SETD5: variants seen among roughly 807,000 people sequenced by gnomAD.
SETD5 encodes SET domain containing 5, also known as histone-lysine N-methyltransferase SETD5.
A neutral mutation model predicts 153.3 loss-of-function variants in SETD5; 44 were observed. That is an observed-to-expected ratio of 0.29 (90% CI 0.23 to 0.37). The LOEUF (loss-of-function observed/expected upper bound fraction) is 0.37, where lower values mean the gene tolerates loss of function less well. Among genes scored for constraint, SETD5 ranks in the 10% least tolerant of loss-of-function variants. SETD5 has a pLI of 1.00. For synonymous variants in SETD5, 716 were observed against 645.2 expected (o/e 1.11, Z -1.66); for missense variants, 1,544 against 1,768.0 (o/e 0.87, Z 2.27).
intron 21 of SETD5, 102 bp from the exon 22 acceptor site, chr3:9,474,966 G>A: frequency 9.7e-7 from 1 of 1,026,544 alleles, no homozygotes; most frequent in Non-Finnish European, 1.4e-6. Flanking sequence ...AAAGAGAGCA[G>A]TACGGGTTGG....
At chr3:9,405,139 A>G (rs549647334) in intron 1 of SETD5, among the ~76,000 whole-genome samples, 2 of 152,316 alleles carry the variant, frequency 1.3e-5, no homozygotes, top group South Asian at 4.1e-4. Flanking sequence ...TGTATCTTCT[A>G]CTTTCTTTCT....
intron 17 of SETD5, among the ~76,000 whole-genome samples, chr3:9,462,528 A>C (rs1047675998): frequency 1.3e-5 from 2 of 150,730 alleles, no homozygotes; most frequent in Non-Finnish European, 2.9e-5. Flanking sequence ...CGGACCTTGC[A>C]GTGAGCCGAG....
rs186593762 is a variant in SETD5, at chr3:9,455,894, C to G, written c.2476+2026C>G. Among the ~76,000 whole-genome samples the G allele has an allele frequency of 2.6e-5, 4 of 152,168 alleles. No homozygotes were observed. In the East Asian group the frequency reaches 7.7e-4, roughly 29 times the overall value. ...TTTTTTGTTATTGTTGAGCTTCTGC[C>G]CTAGTCTAACAGTGAGAAACACTCA... is the stretch of plus-strand genomic sequence containing the variant. On this transcript the variant is annotated intron_variant, in intron 17 of 22. Coordinates refer to ENST00000402198, the MANE Select transcript of SETD5 (RefSeq NM_001080517.3).
chr3:9,445,029 G>C lies in SETD5; in HGVS notation c.1188-19G>C. On this transcript the variant is annotated intron_variant, in intron 11 of 22. Transcript: ENST00000402198. ...TCAAGGGTACTGAGACAGGCATTTTGGTTGTTTCTTTGGAGCAGTAATTAT... is the reference window on the plus strand; with the variant it reads ...TCAAGGGTACTGAGACAGGCATTTTCGTTGTTTCTTTGGAGCAGTAATTAT... 1 of 1,608,464 alleles carries C rather than the reference G, an allele frequency of 6.2e-7. No individual in the cohort carries two copies. Among genetic ancestry groups the C allele is most frequent in the Non-Finnish European group, 8.5e-7 (1 of 1,176,794 alleles).
intron 1 of SETD5, among the ~76,000 whole-genome samples, chr3:9,403,103 C>T (rs1197721078): frequency 6.6e-6 from 1 of 152,122 alleles, no homozygotes; most frequent in Non-Finnish European, 1.5e-5. Context: ...GGAGGAGGTT[C>T]TTTTCCCTGG....
chr3:9,435,877 C>T lies in SETD5; in HGVS notation c.538C>T (p.Arg180Cys), dbSNP rs753185558. The T allele has an allele frequency of 1.3e-6, 2 of 1,592,584 alleles. No individual in the cohort carries two copies. The highest frequency in any genetic ancestry group is 8.6e-7 in the Non-Finnish European group (1 of 1,169,582). The change falls in exon 7 of 23, where the codon CGT becomes TGT. Residue 180 changes from arginine to cysteine, a missense_variant. Coordinates refer to ENST00000402198, the MANE Select transcript of SETD5 (RefSeq NM_001080517.3). ...GCGGAAAAAGAGTCCAGAAAAGGGT[C>T]GTGCAGCACCAAAGACGAAGAAAAT... ...KKRKKSPEKG[R>C]AAPKTKKIKN...
intron 18 of SETD5, among the ~76,000 whole-genome samples, chr3:9,466,287 CAA>C (rs146498301): frequency 0.078 from 4,952 of 63,248 alleles, 177 homozygotes; most frequent in African/African-American, 0.23. Context: ...GACTCCGTCT[CAA>C]AAAAAAAAAA....
intron 17 of SETD5, among the ~76,000 whole-genome samples, chr3:9,457,030 G>T (rs2043340954): frequency 6.6e-6 from 1 of 151,774 alleles, no homozygotes; most frequent in African/African-American, 2.4e-5. Context: ...GAAAAGAAAA[G>T]AAGAAAGAAA....
chr3:9,471,453 A>G (rs958908722), intron 19 of SETD5, among the ~76,000 whole-genome samples: 1 of 152,290 alleles, frequency 6.6e-6, no homozygotes, highest in Non-Finnish European at 1.5e-5. Flanking sequence ...CCAACCAACA[A>G]TTGAGGGTGA....
intron 1 of SETD5, among the ~76,000 whole-genome samples, chr3:9,408,466 G>A (rs1439716316): frequency 3.9e-5 from 6 of 152,100 alleles, no homozygotes; most frequent in Non-Finnish European, 8.8e-5. Flanking sequence ...ATCAGGATAA[G>A]GTCCATACCT....
At chr3:9,445,350 G>A in intron 12 of SETD5, 50 bp downstream of exon 12, 21 of 1,572,812 alleles carry the variant, frequency 1.3e-5, no homozygotes, top group Non-Finnish European at 1.8e-5. Context: ...TCCTCCAAAG[G>A]AAGAGGAACC....
rs375156640 is a variant in SETD5, at chr3:9,440,707, C to T, written c.810+9C>T. ...TTGGTTCCCAAATGCAGGTAAGCAC[C>T]AAAGGGTTGAGGACTCTCTAAGTAG... On this transcript the variant is annotated intron_variant, in intron 8 of 22. Coordinates refer to ENST00000402198, the MANE Select transcript of SETD5 (RefSeq NM_001080517.3). 3.7e-6 allele frequency: 6 copies of T among 1,610,858 alleles called. No homozygotes were observed. Among genetic ancestry groups the T allele is most frequent in the Non-Finnish European group, 5.1e-6 (6 of 1,178,560 alleles).
chr3:9,398,514 G>A (rs1030213114), intron 1 of SETD5: 1 of 152,250 alleles, frequency 6.6e-6, no homozygotes, highest in Non-Finnish European at 1.5e-5. Flanking sequence ...GCTTCCCAAA[G>A]GCATTACCTT....
chr3:9,438,034 T>C (rs368379456), intron 7 of SETD5, among the ~76,000 whole-genome samples: 2 of 152,202 alleles, frequency 1.3e-5, no homozygotes. Flanking sequence ...AAGGATAAGC[T>C]TTTTAGGATT....
chr3:9,433,949 CTG>C lies in SETD5; in HGVS notation c.177+2_177+3del. On this transcript the variant is annotated splice_donor_variant and coding_sequence_variant, in exon 4 of 23. Transcript: ENST00000402198. LOFTEE classifies it high-confidence loss of function. ...CATGGGTGTCGAGGACTGCCTTATG[CTG>C]TGAGTATGCATTTGTTTCTCTCCAG... 1 of 1,613,720 alleles carries C rather than the reference CTG, an allele frequency of 6.2e-7. No individual in the cohort carries two copies. The highest frequency in any genetic ancestry group is 8.5e-7 in the Non-Finnish European group (1 of 1,179,688).
At chr3:9,425,782 C>A (rs548677893) in intron 2 of SETD5, among the ~76,000 whole-genome samples, 59 of 152,030 alleles carry the variant, frequency 3.9e-4, no homozygotes, top group African/African-American at 1.3e-3. Flanking sequence ...CACCGTGAAA[C>A]CATGCATTTT....
intron 1 of SETD5, among the ~76,000 whole-genome samples, chr3:9,416,431 T>C (rs2037475368): frequency 6.6e-6 from 1 of 152,192 alleles, no homozygotes; most frequent in Non-Finnish European, 1.5e-5. Context: ...CTGTGGGTCA[T>C]GTATGTACTT....
chr3:9,430,440 G>A (rs2039825693), intron 3 of SETD5: 1 of 738,982 alleles, frequency 1.4e-6, no homozygotes, highest in Non-Finnish European at 1.7e-6. Flanking sequence ...TTTTGTTTTT[G>A]TTTGTTTTGT....
At chr3:9,426,738 A>G (rs933749794) in intron 2 of SETD5, among the ~76,000 whole-genome samples, 1 of 151,778 alleles carries the variant, frequency 6.6e-6, no homozygotes, top group Non-Finnish European at 1.5e-5. Context: ...GGATCTCGCC[A>G]TGTTTCCCAG....
Sources: gnomAD v4.1 joint callset for allele counts (sites outside exome capture counted in the v4.1 genomes callset) on GRCh38, gnomAD v4.1.1 for gene constraint, MANE v1.5 for transcripts, NCBI Gene and HGNC (gene_info 2026-07-23, HGNC 2026-07-21) for gene names.